ERBIN: variants seen among roughly 807,000 people sequenced by gnomAD.
ERBIN encodes the protein erbb2 interacting protein.
A neutral mutation model predicts 158.4 loss-of-function variants in ERBIN; 60 were observed. That is an observed-to-expected ratio of 0.38 (90% CI 0.31 to 0.47). The LOEUF (loss-of-function observed/expected upper bound fraction) is 0.47. ERBIN is among the 20% of genes least tolerant of loss of function. The pLI, the probability that ERBIN is intolerant of heterozygous loss-of-function variation, is 0.99. For synonymous variants in ERBIN, 594 were observed against 557.2 expected, an observed-to-expected ratio of 1.07 and a Z score of -0.93; for missense variants, 1,610 against 1,648.0, an observed-to-expected ratio of 0.98 and a Z score of 0.40.
intron 4 of ERBIN, among the ~76,000 whole-genome samples, chr5:65,995,931 G>T (rs1752384810): frequency 6.6e-6 from 1 of 152,126 alleles, no homozygotes; most frequent in Admixed American, 6.6e-5. Context: ...ATCTATTCAG[G>T]TCATTTGCTG....
At chr5:65,934,171 C>T (rs1743790839) in intron 1 of ERBIN, among the ~76,000 whole-genome samples, 1 of 152,232 alleles carries the variant, frequency 6.6e-6, no homozygotes, top group Non-Finnish European at 1.5e-5. Context: ...GCTGGGACTA[C>T]AGGCGTGAGC....
intron 7 of ERBIN, among the ~76,000 whole-genome samples, chr5:66,016,528 AT>A (rs1754740145): frequency 6.6e-6 from 1 of 151,820 alleles, no homozygotes; most frequent in Non-Finnish European, 1.5e-5. Context: ...TAATAAATAC[AT>A]TTATATTCTT....
intron 21 of ERBIN, among the ~76,000 whole-genome samples, chr5:66,056,035 C>G (rs1759543246): frequency 6.6e-6 from 1 of 151,986 alleles, no homozygotes; most frequent in Admixed American, 6.6e-5. Flanking sequence ...TGTGCTTTTT[C>G]TAAGGCACTT....
intron 1 of ERBIN, among the ~76,000 whole-genome samples, chr5:65,938,287 T>C (rs1744336578): frequency 6.6e-6 from 1 of 152,162 alleles, no homozygotes; most frequent in South Asian, 2.1e-4. Flanking sequence ...TAGTGATGAC[T>C]TTTGAAGAAT....
intron 4 of ERBIN, among the ~76,000 whole-genome samples, chr5:65,999,059 T>C (rs898734937): frequency 6.6e-6 from 1 of 152,180 alleles, no homozygotes; most frequent in African/African-American, 2.4e-5. Context: ...GATATATGCA[T>C]ATCATTGCTT....
chr5:65,971,357 G>GAAT, intron 1 of ERBIN, among the ~76,000 whole-genome samples: 1 of 152,066 alleles, frequency 6.6e-6, no homozygotes, highest in Admixed American at 6.5e-5. Flanking sequence ...TTGAGCCCTT[G>GAAT]AGCGTGGGTA....
chr5:65,950,116 C>T (rs987976719), intron 1 of ERBIN, among the ~76,000 whole-genome samples: 1 of 152,212 alleles, frequency 6.6e-6, no homozygotes, highest in Non-Finnish European at 1.5e-5. Flanking sequence ...AGGGATTCTC[C>T]TGCCTCGGCC....
intron 6 of ERBIN, 82 bp downstream of exon 6, chr5:66,013,720 C>A: frequency 1.2e-6 from 1 of 828,294 alleles, no homozygotes; most frequent in Non-Finnish European, 2.0e-6. Context: ...GGTAGTACTA[C>A]TCATTACAGT....
At chr5:66,064,674 G>A (rs1241930613) in intron 21 of ERBIN, among the ~76,000 whole-genome samples, 11 of 152,136 alleles carry the variant, frequency 7.2e-5, no homozygotes, top group Admixed American at 7.2e-4. Flanking sequence ...ATAAGAAGTA[G>A]CTTAGGAAAC....
At chr5:65,994,630 C>T (rs1463731837) in intron 3 of ERBIN, 117 bp from the exon 4 acceptor site, 1 of 583,698 alleles carries the variant, frequency 1.7e-6, no homozygotes, top group African/African-American at 1.9e-5. Context: ...GGCATCTTTC[C>T]TGGTATTAGT....
chr5:66,035,983 G>A (rs1304172156), intron 14 of ERBIN, among the ~76,000 whole-genome samples: 2 of 152,026 alleles, frequency 1.3e-5, no homozygotes, highest in East Asian at 3.9e-4. Flanking sequence ...CAGCTCCTTG[G>A]GAGGCTGAGG....
intron 1 of ERBIN, among the ~76,000 whole-genome samples, chr5:65,964,641 A>G (rs1423017586): frequency 6.6e-6 from 1 of 152,158 alleles, no homozygotes; most frequent in Non-Finnish European, 1.5e-5. Flanking sequence ...CATTTGTATG[A>G]CACATATCCT....
rs1213866957 is a variant in ERBIN at position 66,078,690 on chromosome 5, A to G, written c.*160A>G. On this transcript the variant is annotated 3_prime_UTR_variant, in exon 26 of 26. Transcript: ENST00000284037. ...ATAATGGAACTTGTGGTTAGAGGGA[A>G]AGAACCACTGTACAGAATATAAAGG... 1 of 614,816 alleles carries G rather than the reference A, an allele frequency of 1.6e-6. No homozygotes were observed. The highest frequency in any genetic ancestry group is 2.9e-6 in the Non-Finnish European group (1 of 347,646). 38.1% of individuals were successfully genotyped at this position (614,816 alleles called of 1,614,324 possible).
chr5:66,066,203 A>T (rs1471794313), intron 21 of ERBIN, among the ~76,000 whole-genome samples: 1 of 152,186 alleles, frequency 6.6e-6, no homozygotes. Flanking sequence ...TGAAAGTGCT[A>T]CATAAATATA....
chr5:66,068,171 T>C (rs1372731988), intron 21 of ERBIN, among the ~76,000 whole-genome samples: 2 of 150,390 alleles, frequency 1.3e-5, no homozygotes, highest in Non-Finnish European at 3.0e-5. Context: ...TCTACAAAAA[T>C]AATAATAATA....
chr5:66,013,736 A>T, intron 6 of ERBIN, 98 bp downstream of exon 6: 5 of 697,874 alleles, frequency 7.2e-6, no homozygotes, highest in Non-Finnish European at 1.2e-5. Context: ...ACAGTTTCAT[A>T]GGCTCTTTTT....
chr5:65,969,753 C>T lies in ERBIN; in HGVS notation c.-57-18882C>T, dbSNP rs534501437. Among the ~76,000 whole-genome samples, 54 of 152,256 alleles carry T rather than the reference C, an allele frequency of 3.5e-4. No individual in the cohort carries two copies. The South Asian group carries it at 0.011, about 31-fold the overall frequency. On this transcript the variant is annotated intron_variant, in intron 1 of 25. Coordinates refer to ENST00000284037, the MANE Select transcript of ERBIN (RefSeq NM_001253697.2). ...CTCTAAAACTCACCCCCTGCTCCCCCAGGGAGCAAAAACAAATAAAAACCA... is the reference window on the plus strand; with the variant it reads ...CTCTAAAACTCACCCCCTGCTCCCCTAGGGAGCAAAAACAAATAAAAACCA...
chr5:65,929,621 G>GTCTTTGTCT (rs1410176617), intron 1 of ERBIN, among the ~76,000 whole-genome samples: 2 of 145,030 alleles, frequency 1.4e-5, no homozygotes, highest in Admixed American at 1.4e-4. Context: ...CTCTAAAGAT[G>GTCTTTGTCT]TCTTTGTCTT....
chr5:65,977,654 A>C (rs1750128694), intron 1 of ERBIN, among the ~76,000 whole-genome samples: 1 of 143,774 alleles, frequency 7.0e-6, no homozygotes, highest in Admixed American at 6.9e-5. Context: ...CCGGGCAGAG[A>C]CGCTCCTCAC....
Sources: allele counts gnomAD v4.1 joint callset (sites outside exome capture counted in the v4.1 genomes callset), GRCh38; gene constraint gnomAD v4.1.1; transcripts MANE v1.5; gene names NCBI Gene and HGNC (gene_info 2026-07-23, HGNC 2026-07-21).